Variants in DPYD observed in about 807,000 individuals in gnomAD.
DPYD encodes the protein dihydropyrimidine dehydrogenase [NADP(+)].
DPYD carries 109 observed loss-of-function variants against 116.2 expected under a neutral mutation model. That is an observed-to-expected ratio of 0.94 (90% confidence interval 0.80 to 1.10). The LOEUF is 1.10. DPYD is among the 50% of genes least tolerant of loss of function. The pLI, the probability that DPYD is intolerant of heterozygous loss-of-function variation, is 0.00. For synonymous variants in DPYD, 440 were observed against 432.0 expected (o/e 1.02, Z -0.23); for missense variants, 1,302 against 1,254.5 (o/e 1.04, Z -0.57).
intron 3 of DPYD, among the ~76,000 whole-genome samples, chr1:97,804,502 A>T (rs1404415150): frequency 6.6e-6 from 1 of 151,832 alleles, no homozygotes; most frequent in Non-Finnish European, 1.5e-5. Flanking sequence ...TTCATAAAAC[A>T]TTAATTAGAC....
chr1:97,236,840 T>G (rs2100755988), intron 18 of DPYD, among the ~76,000 whole-genome samples: 1 of 152,298 alleles, frequency 6.6e-6, no homozygotes, highest in African/African-American at 2.4e-5. Context: ...AGGTCATGCA[T>G]GTGTTGGAGC....
chr1:97,728,892 T>C (rs1468475582), intron 4 of DPYD, among the ~76,000 whole-genome samples: 3 of 152,082 alleles, frequency 2.0e-5, no homozygotes, highest in East Asian at 3.9e-4. Flanking sequence ...AAGAAGAATG[T>C]AGATATATTG....
chr1:97,400,396 TG>T (rs1169349146), intron 14 of DPYD, among the ~76,000 whole-genome samples: 1 of 152,216 alleles, frequency 6.6e-6, no homozygotes, highest in Non-Finnish European at 1.5e-5. Context: ...TCACGGATAT[TG>T]GTCTAAAATT....
intron 14 of DPYD, chr1:97,420,204 CCTGA>C (rs1228877212): frequency 1.3e-5 from 2 of 152,154 alleles, no homozygotes; most frequent in African/African-American, 2.4e-5. Context: ...TCTGATCTGT[CCTGA>C]CTGAGTCCAG....
At chr1:97,134,083 G>C (rs1653599929) in intron 20 of DPYD, among the ~76,000 whole-genome samples, 1 of 125,170 alleles carries the variant, frequency 8.0e-6, no homozygotes, top group Non-Finnish European at 1.6e-5. Flanking sequence ...ATTATATTAG[G>C]TAGAGACTGT....
rs371091969 is a variant in DPYD at position 97,380,343 on chromosome 1, T to C, written c.1974+2050A>G. ...GCAAGAGAGCCTGTGATCAGGTACC[T>C]GGATCAAGAAAACTAACTAGATTCT... On this transcript the variant is annotated intron_variant, in intron 15 of 22. Coordinates refer to ENST00000370192, the MANE Select transcript of DPYD (RefSeq NM_000110.4). Among the ~76,000 whole-genome samples, 281 of 152,294 alleles carry C rather than the reference T, an allele frequency of 1.8e-3. 3 individuals are homozygous for C. Among genetic ancestry groups the C allele is most frequent in the Middle Eastern group, 0.017 (5 of 294 alleles).
intron 10 of DPYD, among the ~76,000 whole-genome samples, 182 bp downstream of exon 10, chr1:97,593,036 A>G (rs930062684): frequency 1.3e-5 from 2 of 152,234 alleles, no homozygotes; most frequent in Non-Finnish European, 2.9e-5. Flanking sequence ...TACCCAAATC[A>G]GTATTACAAA....
At chr1:97,625,875 T>C (rs1186662190) in intron 8 of DPYD, among the ~76,000 whole-genome samples, 2 of 152,104 alleles carry the variant, frequency 1.3e-5, no homozygotes, top group East Asian at 1.9e-4. Flanking sequence ...GTTTTATTTT[T>C]TGAAGCTTTG....
intron 14 of DPYD, among the ~76,000 whole-genome samples, chr1:97,399,932 C>A (rs1673269794): frequency 6.6e-6 from 1 of 152,084 alleles, no homozygotes; most frequent in South Asian, 2.1e-4. Flanking sequence ...TAATTGAATA[C>A]CCTTTATTTC....
At chr1:97,752,958 T>G (rs779643645) in intron 3 of DPYD, among the ~76,000 whole-genome samples, 1 of 152,218 alleles carries the variant, frequency 6.6e-6, no homozygotes, top group Non-Finnish European at 1.5e-5. Flanking sequence ...ATCCAGTTTT[T>G]GTACAGTTAA....
chr1:97,840,922 C>T (rs1355659662), intron 2 of DPYD, among the ~76,000 whole-genome samples: 2 of 152,086 alleles, frequency 1.3e-5, no homozygotes, highest in Admixed American at 1.3e-4. Flanking sequence ...GGACAGTTTG[C>T]TCTTCTGACC....
intron 16 of DPYD, among the ~76,000 whole-genome samples, chr1:97,324,779 G>A (rs1668629538): frequency 6.6e-6 from 1 of 151,992 alleles, no homozygotes; most frequent in Admixed American, 6.6e-5. Flanking sequence ...AGAAAGAAGT[G>A]ATAAATATCA....
intron 16 of DPYD, among the ~76,000 whole-genome samples, chr1:97,334,977 T>G (rs1217416836): frequency 6.6e-6 from 1 of 152,122 alleles, no homozygotes; most frequent in Non-Finnish European, 1.5e-5. Context: ...AGGTTCTGTG[T>G]GTGTTGGGGC....
Position 97,318,178 on chromosome 1 carries a change from A to G in DPYD, c.2059-11881T>C, listed in dbSNP as rs370497907. On this transcript the variant is annotated intron_variant, in intron 16 of 22. Coordinates refer to ENST00000370192, the MANE Select transcript of DPYD (RefSeq NM_000110.4). Reference sequence around the variant, plus strand: ...TAGGAAGAAACTGCATCAACTAACGAGCAAAATCACCAGCTAACATCATAA... The same window carrying G: ...TAGGAAGAAACTGCATCAACTAACGGGCAAAATCACCAGCTAACATCATAA... 4.4e-3 allele frequency among the ~76,000 whole-genome samples: 652 copies of G among 146,522 alleles called. 7 individuals are homozygous for G. Among genetic ancestry groups the G allele is most frequent in the African/African-American group, 0.015 (599 of 39,998 alleles).
chr1:97,643,785 G>A (rs954441419), intron 8 of DPYD, among the ~76,000 whole-genome samples: 6 of 152,112 alleles, frequency 3.9e-5, no homozygotes, highest in Non-Finnish European at 4.4e-5. Flanking sequence ...CCTTTGCAGG[G>A]ACATGGATGA....
chr1:97,327,041 A>G (rs115332211), intron 16 of DPYD, among the ~76,000 whole-genome samples: 2,617 of 152,176 alleles, frequency 0.017, 28 homozygotes, highest in Middle Eastern at 0.044. Context: ...ACAATGTGAA[A>G]CCAGCAACTG....
At chr1:97,648,904 C>A (rs1474982948) in intron 8 of DPYD, among the ~76,000 whole-genome samples, 1 of 151,958 alleles carries the variant, frequency 6.6e-6, no homozygotes, top group Non-Finnish European at 1.5e-5. Flanking sequence ...AGAGAAGATT[C>A]CCCTTAGAAG....
intron 2 of DPYD, among the ~76,000 whole-genome samples, chr1:97,873,833 T>C (rs1185856907): frequency 6.6e-6 from 1 of 151,988 alleles, no homozygotes; most frequent in East Asian, 1.9e-4. Context: ...ACTTACTACA[T>C]GTGTGGCACT....
intron 12 of DPYD, chr1:97,547,076 T>C (rs1570938349): frequency 1.0e-6 from 1 of 965,156 alleles, no homozygotes; most frequent in East Asian, 2.4e-5. Context: ...AGGTGTAGTT[T>C]TTTTACTCTA....
Sources: gnomAD v4.1 joint callset for allele counts (sites outside exome capture counted in the v4.1 genomes callset) on GRCh38, gnomAD v4.1.1 for gene constraint, MANE v1.5 for transcripts, NCBI Gene and HGNC (gene_info 2026-07-23, HGNC 2026-07-21) for gene names.